PTBP3: variants seen among roughly 807,000 people sequenced by gnomAD.
PTBP3 encodes polypyrimidine tract-binding protein 3.
A neutral mutation model predicts 58.7 loss-of-function variants in PTBP3; 20 were observed. The ratio of observed to expected loss-of-function variants is 0.34; its 90% CI spans 0.24 to 0.50. The LOEUF is 0.50. Ranked by LOEUF, PTBP3 falls within the 20% of genes least tolerant of loss-of-function variation. The pLI is 0.98. For synonymous variants in PTBP3, 185 were observed against 219.8 expected (o/e 0.84, Z 1.40); for missense variants, 509 against 637.2 (o/e 0.80, Z 2.17).
chr9:112,338,661 C>A (rs934562440), upstream of PTBP3, among the ~76,000 whole-genome samples: 10 of 152,248 alleles, frequency 6.6e-5, no homozygotes, highest in African/African-American at 2.4e-4. Context: ...CTGACACACA[C>A]TGACTCTGAC....
chr9:112,221,278 CAT>C lies in PTBP3; in HGVS notation c.*2571_*2572del. Reference sequence around the variant, plus strand: ...ATATACACTTATCTACACACACACACATTCACACACACACACAAACACACCCC... The same window carrying C: ...ATATACACTTATCTACACACACACACTCACACACACACACAAACACACCCC... On this transcript the variant is annotated 3_prime_UTR_variant, in exon 14 of 14. Coordinates refer to ENST00000374257, the MANE Select transcript of PTBP3 (RefSeq NM_001163788.4). 3 of 984,938 alleles carry C rather than the reference CAT, an allele frequency of 3.0e-6. No homozygotes were observed. Among genetic ancestry groups the C allele is most frequent in the Non-Finnish European group, 2.4e-6 (2 of 829,224 alleles). The allele number at this position is 984,938 out of a possible 1,614,324, so 61.0% of individuals were successfully genotyped here.
At chr9:112,315,325 A>G (rs1829658983) in intron 1 of PTBP3, among the ~76,000 whole-genome samples, 1 of 152,178 alleles carries the variant, frequency 6.6e-6, no homozygotes, top group Non-Finnish European at 1.5e-5. Context: ...TAACAAAAAG[A>G]TATCTGGAAA....
intron 1 of PTBP3, among the ~76,000 whole-genome samples, chr9:112,317,602 G>T (rs181903699): frequency 6.6e-6 from 1 of 152,174 alleles, no homozygotes; most frequent in African/African-American, 2.4e-5. Context: ...ATGAATATCG[G>T]TACTGAAAAG....
the PTBP3 span, among the ~76,000 whole-genome samples, chr9:112,339,765 T>C: frequency 0.85 from 128,648 of 151,646 alleles, 55,005 homozygotes; most frequent in African/African-American, 0.95. Flanking sequence ...GATTTTGCCA[T>C]GTTGGCCAGG....
chr9:112,335,942 C>T (rs1360654466), upstream of PTBP3, among the ~76,000 whole-genome samples: 2 of 148,814 alleles, frequency 1.3e-5, no homozygotes, highest in African/African-American at 2.5e-5. Flanking sequence ...GGCACAATCT[C>T]GGCTCACTGC....
intron 8 of PTBP3, among the ~76,000 whole-genome samples, chr9:112,232,814 T>C (rs1835297250): frequency 6.6e-6 from 1 of 152,184 alleles, no homozygotes; most frequent in African/African-American, 2.4e-5. Flanking sequence ...TCTCTACTTC[T>C]CTAGGTACTA....
chr9:112,249,463 T>C (rs1464747859), intron 7 of PTBP3, among the ~76,000 whole-genome samples: 1 of 152,032 alleles, frequency 6.6e-6, no homozygotes, highest in Admixed American at 6.6e-5. Flanking sequence ...AGAGTGGTGT[T>C]TCAGAGGCCA....
At chr9:112,295,353 T>TA (rs1023912946) in intron 2 of PTBP3, among the ~76,000 whole-genome samples, 2 of 151,168 alleles carry the variant, frequency 1.3e-5, no homozygotes, top group African/African-American at 4.9e-5. Context: ...CTGTCTCTGT[T>TA]ACAGATGCCT....
At chr9:112,355,923 TA>T in the PTBP3 span, among the ~76,000 whole-genome samples, 5 of 139,766 alleles carry the variant, frequency 3.6e-5, no homozygotes, top group East Asian at 1.0e-3. Context: ...CACCTGGAAA[TA>T]AAAGTTTCTT....
chr9:112,338,573 C>T (rs1329399624), upstream of PTBP3, among the ~76,000 whole-genome samples: 1 of 152,150 alleles, frequency 6.6e-6, no homozygotes, highest in East Asian at 1.9e-4. Context: ...ACATCAAAGG[C>T]TTAAGCAAAA....
At chr9:112,302,654 T>A (rs1490986910) in intron 1 of PTBP3, among the ~76,000 whole-genome samples, 1 of 141,232 alleles carries the variant, frequency 7.1e-6, no homozygotes, top group Non-Finnish European at 1.5e-5. Context: ...AGTGACACGA[T>A]CTTAGCTCAC....
chr9:112,359,287 G>GA, the PTBP3 span, among the ~76,000 whole-genome samples: 39 of 147,738 alleles, frequency 2.6e-4, no homozygotes, highest in Non-Finnish European at 4.9e-4. Context: ...CTAAAAAATA[G>GA]AAAAAAAAAA....
chr9:112,332,812 G>A, intron 1 of PTBP3: 9 of 1,612,474 alleles, frequency 5.6e-6, no homozygotes, highest in Non-Finnish European at 7.6e-6. Flanking sequence ...AAGTTTCTTG[G>A]GGAGAGAGAA....
At chr9:112,258,987 T>C (rs745480903) in intron 5 of PTBP3, among the ~76,000 whole-genome samples, 2 of 152,188 alleles carry the variant, frequency 1.3e-5, no homozygotes, top group Admixed American at 6.5e-5. Flanking sequence ...GGTTTCACTC[T>C]GTCATCCAGG....
chr9:112,324,351 T>C (rs1830070496), intron 1 of PTBP3, among the ~76,000 whole-genome samples: 1 of 152,102 alleles, frequency 6.6e-6, no homozygotes. Flanking sequence ...AAAGGAAATA[T>C]AATTAATATG....
At chr9:112,235,950 A>G (rs1835422863) in intron 7 of PTBP3, among the ~76,000 whole-genome samples, 1 of 152,152 alleles carries the variant, frequency 6.6e-6, no homozygotes, top group Admixed American at 6.6e-5. Context: ...GACCTTCAAT[A>G]TAGGGCACAG....
At chr9:112,336,605 A>G (rs919117080), upstream of PTBP3, among the ~76,000 whole-genome samples, 50 of 151,996 alleles carry the variant, frequency 3.3e-4, 2 homozygotes, top group Non-Finnish European at 2.9e-5. Flanking sequence ...AACATGGTGA[A>G]ACCCTGTCTC....
At chr9:112,269,190 C>A (rs1827258343) in intron 3 of PTBP3, among the ~76,000 whole-genome samples, 2 of 90,418 alleles carry the variant, frequency 2.2e-5, no homozygotes, top group African/African-American at 5.3e-5. Context: ...GAGCGAAACT[C>A]TGTCTCAAAA....
At chr9:112,291,492 C>T (rs1474485512) in intron 2 of PTBP3, among the ~76,000 whole-genome samples, 12 of 152,114 alleles carry the variant, frequency 7.9e-5, no homozygotes, top group Admixed American at 3.9e-4. Flanking sequence ...GTAATTCAAA[C>T]AGTATGTTAC....
Sources: allele counts gnomAD v4.1 joint callset (sites outside exome capture counted in the v4.1 genomes callset), GRCh38; gene constraint gnomAD v4.1.1; transcripts MANE v1.5; gene names NCBI Gene and HGNC (gene_info 2026-07-23, HGNC 2026-07-21).